The following DUS2 variants were observed in gnomAD, a reference collection of about 807,000 sequenced individuals.
The protein encoded by DUS2 is tRNA-dihydrouridine(20) synthase [NAD(P)+]-like.
DUS2 carries 52 observed loss-of-function variants against 71.3 expected under a neutral mutation model. The ratio of observed to expected loss-of-function variants is 0.73; its 90% CI spans 0.58 to 0.92. The LOEUF is 0.92. DUS2 is among the 40% of genes least tolerant of loss of function. The probability of loss-of-function intolerance (pLI) is 0.00; values close to 1 mark genes in which losing one functional copy is unlikely to be tolerated. For synonymous variants in DUS2, 204 were observed against 227.8 expected (o/e 0.90, Z 0.94); for missense variants, 558 against 622.6 (o/e 0.90, Z 1.10).
intron 3 of DUS2, among the ~76,000 whole-genome samples, chr16:68,043,831 A>C (rs574790753): frequency 1.3e-5 from 2 of 152,092 alleles, no homozygotes; most frequent in East Asian, 3.9e-4. Flanking sequence ...TGCCTGCTTA[A>C]TTTAGGTATT....
Position 68,054,957 on chromosome 16 carries a change from C to T in DUS2, c.308+340C>T, listed in dbSNP as rs573568378. On this transcript the variant is annotated intron_variant, in intron 6 of 16. Coordinates refer to ENST00000565263, the MANE Select transcript of DUS2 (RefSeq NM_017803.5). ...ACTCAGGAGGCTGAGGCAGAAGAAT[C>T]GCTTGAACCCGGGAGGCAGAGGTTG... Among the ~76,000 whole-genome samples the T allele has an allele frequency of 4.3e-4, 65 of 152,188 alleles. 1 individual carries two copies. The highest frequency in any genetic ancestry group is 1.7e-3 in the South Asian group (8 of 4,814).
chr16:68,030,906 A>C (rs570471236), intron 2 of DUS2, among the ~76,000 whole-genome samples: 116 of 151,984 alleles, frequency 7.6e-4, no homozygotes, highest in East Asian at 3.9e-4. Context: ...GCTAGTTAAA[A>C]AATATATATA....
chr16:68,041,334 G>A (rs1295720303), intron 3 of DUS2, among the ~76,000 whole-genome samples: 1 of 152,152 alleles, frequency 6.6e-6, no homozygotes, highest in Non-Finnish European at 1.5e-5. Flanking sequence ...GAGGAGTGAT[G>A]ACAGTTTTTG....
intron 2 of DUS2, among the ~76,000 whole-genome samples, chr16:68,035,708 GGT>G (rs2033508587): frequency 7.1e-6 from 1 of 140,068 alleles, no homozygotes; most frequent in Admixed American, 7.1e-5. Flanking sequence ...CATTCTATGT[GGT>G]TTTTTTTTTT....
chr16:68,030,528 T>C (rs2151408663), intron 2 of DUS2, among the ~76,000 whole-genome samples: 1 of 152,114 alleles, frequency 6.6e-6, no homozygotes, highest in Non-Finnish European at 1.5e-5. Flanking sequence ...GAGGTGGAGA[T>C]TGCAGTGAGC....
intron 2 of DUS2, among the ~76,000 whole-genome samples, chr16:68,029,854 A>G (rs145158766): frequency 0.13 from 19,901 of 151,076 alleles, 1,398 homozygotes; most frequent in South Asian, 0.2. Flanking sequence ...TGTAATCCCA[A>G]CACTTTGGGA....
chr16:68,057,529 T>C (rs1039370285), intron 7 of DUS2, among the ~76,000 whole-genome samples: 8 of 151,222 alleles, frequency 5.3e-5, no homozygotes, highest in Non-Finnish European at 1.0e-4. Flanking sequence ...TCCCAGGAGA[T>C]TGAGATGAGT....
chr16:68,046,750 ATT>A (rs548162410), intron 3 of DUS2, among the ~76,000 whole-genome samples: 5 of 143,034 alleles, frequency 3.5e-5, no homozygotes, highest in Non-Finnish European at 1.5e-5. Context: ...TCTCATTCTG[ATT>A]TTTTTTTTTT....
intron 8 of DUS2, among the ~76,000 whole-genome samples, chr16:68,065,553 C>T (rs929210553): frequency 3.3e-5 from 5 of 152,000 alleles, no homozygotes; most frequent in Admixed American, 6.6e-5. Context: ...ATGGCTTGAG[C>T]TAGGGAGGCA....
At chr16:68,061,219 G>T in intron 8 of DUS2, 106 bp downstream of exon 8, 1 of 1,239,586 alleles carries the variant, frequency 8.1e-7, no homozygotes, top group South Asian at 1.3e-5. Context: ...TGTCCACCCA[G>T]TTTCTCTCCC....
Position 68,075,339 on chromosome 16 carries a change from G to A in DUS2, c.933-16G>A. The A allele has an allele frequency of 1.3e-6, 2 of 1,592,024 alleles. No individual in the cohort carries two copies. Among genetic ancestry groups the A allele is most frequent in the Non-Finnish European group, 1.7e-6 (2 of 1,168,306 alleles). ...TCCGCTAAAGTGTTTGCTCTGATCT[G>A]CTTCTTCCTCCCTAGTGAGGCCTTT... On this transcript the variant is annotated splice_polypyrimidine_tract_variant and intron_variant, in intron 13 of 16. Transcript: ENST00000565263.
rs77029938 is a variant in DUS2, at chr16:68,030,039, C to G, written c.-19+4545C>G. On this transcript the variant is annotated intron_variant, in intron 2 of 16. Coordinates refer to ENST00000565263, the MANE Select transcript of DUS2 (RefSeq NM_017803.5). ...GGGATTACAGGTGTGAGCCACCATGCCTGGCCAGAAATTGCTTTTTAAGCA... is the reference window on the plus strand; with the variant it reads ...GGGATTACAGGTGTGAGCCACCATGGCTGGCCAGAAATTGCTTTTTAAGCA... 4.9e-3 allele frequency among the ~76,000 whole-genome samples: 742 copies of G among 151,732 alleles called. 8 individuals carry two copies. Among genetic ancestry groups the G allele is most frequent in the African/African-American group, 0.017 (702 of 41,456 alleles).
intron 6 of DUS2, among the ~76,000 whole-genome samples, chr16:68,055,132 G>C (rs1313214745): frequency 1.3e-5 from 2 of 152,134 alleles, no homozygotes; most frequent in Admixed American, 6.6e-5. Context: ...AGATCTCAGA[G>C]ACCCTCTATG....
intron 2 of DUS2, among the ~76,000 whole-genome samples, chr16:68,027,645 T>C (rs898872236): frequency 6.6e-6 from 1 of 152,264 alleles, no homozygotes; most frequent in Non-Finnish European, 1.5e-5. Flanking sequence ...GTGCCTATTT[T>C]CACCTTACAG....
At chr16:68,060,426 G>A (rs1214913919) in intron 7 of DUS2, among the ~76,000 whole-genome samples, 1 of 151,944 alleles carries the variant, frequency 6.6e-6, no homozygotes, top group Non-Finnish European at 1.5e-5. Flanking sequence ...CAATTCTTCT[G>A]CCTCAGCCTC....
At chr16:68,029,218 C>T (rs1409007559) in intron 2 of DUS2, among the ~76,000 whole-genome samples, 1 of 150,972 alleles carries the variant, frequency 6.6e-6, no homozygotes. Context: ...AAAAAAAAAG[C>T]TATATCACCT....
chr16:68,038,254 C>T, intron 3 of DUS2, 105 bp downstream of exon 3: 1 of 1,480,142 alleles, frequency 6.8e-7, no homozygotes, highest in Non-Finnish European at 9.1e-7. Flanking sequence ...TGGGAATTGA[C>T]TTTATAGGTG....
Position 68,078,528 on chromosome 16 carries a change from C to T in DUS2, c.1244+10C>T. 6.2e-7 allele frequency: 1 copy of T among 1,613,528 alleles called. No homozygotes were observed. The highest frequency in any genetic ancestry group is 8.5e-7 in the Non-Finnish European group (1 of 1,179,732). ...ATCAGTCTACCTTGTGGTAAGTTTC[C>T]TTATCATAGGAGAGGAGGCTTGGGG... On this transcript the variant is annotated intron_variant, in intron 16 of 16. Transcript: ENST00000565263.
intron 2 of DUS2, among the ~76,000 whole-genome samples, chr16:68,026,250 C>T (rs1454077211): frequency 2.0e-5 from 3 of 152,064 alleles, no homozygotes; most frequent in South Asian, 2.1e-4. Context: ...CTTGGCCTCC[C>T]GAAGTGCTGG....
Sources: gnomAD v4.1 joint callset for allele counts (sites outside exome capture counted in the v4.1 genomes callset) on GRCh38, gnomAD v4.1.1 for gene constraint, MANE v1.5 for transcripts, NCBI Gene and HGNC (gene_info 2026-07-23, HGNC 2026-07-21) for gene names.